Variants in KCNN2 observed in about 807,000 individuals in gnomAD.
KCNN2 encodes small conductance calcium-activated potassium channel protein 2.
A neutral mutation model predicts 55.5 loss-of-function variants in KCNN2; 24 were observed. The observed-to-expected ratio is 0.43, with a 90% CI of 0.31 to 0.61. The LOEUF (loss-of-function observed/expected upper bound fraction) is 0.61, where lower values mean the gene tolerates loss of function less well. Ranked by LOEUF, KCNN2 falls within the 20% of genes least tolerant of loss-of-function variation. The probability of loss-of-function intolerance (pLI) is 0.08; values close to 1 mark genes in which losing one functional copy is unlikely to be tolerated. For missense variants in KCNN2, 754 were observed against 853.6 expected, an observed-to-expected ratio of 0.88 and a Z score of 1.45; for synonymous variants, 431 against 336.1, an observed-to-expected ratio of 1.28 and a Z score of -3.09.
intron 1 of KCNN2, among the ~76,000 whole-genome samples, chr5:114,196,558 C>CT: frequency 6.6e-6 from 1 of 151,894 alleles, no homozygotes; most frequent in Non-Finnish European, 1.5e-5. Flanking sequence ...GAGATTTTCT[C>CT]TTTTTTCTTG....
chr5:114,417,894 G>C (rs888561228), intron 3 of KCNN2, among the ~76,000 whole-genome samples: 12 of 152,154 alleles, frequency 7.9e-5, no homozygotes, highest in African/African-American at 2.9e-4. Flanking sequence ...TAGCCACAGA[G>C]CCCAGAGCCC....
chr5:114,454,779 C>T (rs1438069549), intron 3 of KCNN2, among the ~76,000 whole-genome samples: 1 of 152,182 alleles, frequency 6.6e-6, no homozygotes, highest in Non-Finnish European at 1.5e-5. Context: ...ATTCTGTATA[C>T]TTACAGTTAA....
chr5:114,363,783 T>C, intron 1 of KCNN2, 123 bp from the exon 2 acceptor site: 3 of 682,228 alleles, frequency 4.4e-6, no homozygotes, highest in Non-Finnish European at 7.8e-6. Flanking sequence ...GGTGCACCCC[T>C]CTCCCCTTAT....
At chr5:114,073,745 T>C (rs571657873) in intron 1 of KCNN2, among the ~76,000 whole-genome samples, 1 of 152,370 alleles carries the variant, frequency 6.6e-6, no homozygotes, top group East Asian at 1.9e-4. Context: ...CCTAGTATAG[T>C]GCCTGATCCA....
intron 1 of KCNN2, among the ~76,000 whole-genome samples, chr5:114,102,369 T>C (rs916721756): frequency 1.3e-5 from 2 of 152,168 alleles, no homozygotes; most frequent in Admixed American, 1.3e-4. Context: ...GCAAAAATTT[T>C]CTCCCATTCT....
chr5:114,095,890 C>T (rs1349656917), intron 1 of KCNN2, among the ~76,000 whole-genome samples: 1 of 152,066 alleles, frequency 6.6e-6, no homozygotes, highest in Non-Finnish European at 1.5e-5. Context: ...TCCAGTTGTC[C>T]AGGATATTTA....
At chr5:114,224,779 C>T (rs1376057968) in intron 2 of KCNN2, among the ~76,000 whole-genome samples, 1 of 152,142 alleles carries the variant, frequency 6.6e-6, no homozygotes, top group Non-Finnish European at 1.5e-5. Flanking sequence ...TACAGCTTGC[C>T]ATCAAGATAA....
chr5:114,489,133 C>A (rs1381417253), intron 6 of KCNN2: 2 of 152,050 alleles, frequency 1.3e-5, no homozygotes, highest in East Asian at 3.9e-4. Context: ...GGTTCTGTAG[C>A]CATGTGCAGT....
chr5:114,085,526 T>C (rs1750996785), intron 1 of KCNN2, among the ~76,000 whole-genome samples: 1 of 152,026 alleles, frequency 6.6e-6, no homozygotes, highest in African/African-American at 2.4e-5. Flanking sequence ...TTCACTTTTG[T>C]ATATAACCTT....
At chr5:114,192,472 G>C (rs1580605953) in intron 1 of KCNN2, among the ~76,000 whole-genome samples, 1 of 152,226 alleles carries the variant, frequency 6.6e-6, no homozygotes, top group East Asian at 1.9e-4. Context: ...GAGAGCTTCA[G>C]CTGGCAATGG....
intron 2 of KCNN2, among the ~76,000 whole-genome samples, chr5:114,222,143 T>C (rs1414136562): frequency 6.6e-6 from 1 of 152,182 alleles, no homozygotes; most frequent in Non-Finnish European, 1.5e-5. Flanking sequence ...CAAAGCAGAA[T>C]GCAAAAATAG....
chr5:114,496,007 A>T lies in KCNN2; in HGVS notation c.2201A>T (p.His734Leu). 1 of 1,614,058 alleles carries T rather than the reference A, an allele frequency of 6.2e-7. No homozygotes were observed. Among genetic ancestry groups the T allele is most frequent in the Non-Finnish European group, 8.5e-7 (1 of 1,179,974 alleles). Residue 734 changes from histidine (H) to leucine (L), a missense_variant, in exon 8 of 8, where the codon CAC (histidine) becomes CTC (leucine). By Grantham distance (99) the His-to-Leu change is moderately conservative. Transcript: ENST00000673685. The part of the protein sequence containing the change: ...TKLETLIGSI[H>L]ALPGLISQTI... ...CTAGAGACTTTGATTGGTAGCATCCACGCCCTCCCTGGGCTCATAAGCCAG... is the reference window on the plus strand; with the variant it reads ...CTAGAGACTTTGATTGGTAGCATCCTCGCCCTCCCTGGGCTCATAAGCCAG...
At chr5:114,452,010 A>C (rs963740074) in intron 3 of KCNN2, among the ~76,000 whole-genome samples, 2 of 152,108 alleles carry the variant, frequency 1.3e-5, no homozygotes, top group Non-Finnish European at 2.9e-5. Context: ...TTACTTACTA[A>C]TATTAAAGGA....
At position 114,494,429 on chromosome 5, in the gene KCNN2, CT is replaced by C. The variant is rs553579876; in HGVS notation, c.2088+959del. Among the ~76,000 whole-genome samples the C allele has an allele frequency of 1.5e-4, 22 of 150,266 alleles. No individual in the cohort carries two copies. In the South Asian group the frequency reaches 4.7e-3, roughly 32 times the overall value. On this transcript the variant is annotated intron_variant, in intron 7 of 7. Coordinates refer to ENST00000673685, the MANE Select transcript of KCNN2 (RefSeq NM_021614.4). Reference sequence around the variant, plus strand: ...GTTGAAGACAGTAAGTATTTAATGACTTACCCTAGGAGAGCATATATCATGC... The same window carrying C: ...GTTGAAGACAGTAAGTATTTAATGACTACCCTAGGAGAGCATATATCATGC...
chr5:114,298,602 C>T (rs1344398911), intron 2 of KCNN2, among the ~76,000 whole-genome samples: 1 of 152,104 alleles, frequency 6.6e-6, no homozygotes, highest in Non-Finnish European at 1.5e-5. Flanking sequence ...AATATCATCA[C>T]AAATATTCTA....
chr5:114,100,317 C>T (rs552870148), intron 1 of KCNN2, among the ~76,000 whole-genome samples: 6 of 152,108 alleles, frequency 3.9e-5, no homozygotes, highest in Admixed American at 2.0e-4. Flanking sequence ...TAGCTTTCTT[C>T]CCTTAGTGGA....
intron 2 of KCNN2, among the ~76,000 whole-genome samples, chr5:114,335,955 C>G (rs1397732738): frequency 6.6e-6 from 1 of 152,112 alleles, no homozygotes; most frequent in Non-Finnish European, 1.5e-5. Flanking sequence ...TAGTTGAGCT[C>G]AGGTTTTGAT....
chr5:114,216,200 C>T (rs1434879875), intron 1 of KCNN2, among the ~76,000 whole-genome samples: 1 of 152,022 alleles, frequency 6.6e-6, no homozygotes, highest in African/African-American at 2.4e-5. Flanking sequence ...TTTGGAATTT[C>T]AACAACATGA....
intron 1 of KCNN2, among the ~76,000 whole-genome samples, chr5:114,190,694 G>A (rs989133030): frequency 6.6e-6 from 1 of 152,032 alleles, no homozygotes; most frequent in Non-Finnish European, 1.5e-5. Flanking sequence ...TTTAATGTTT[G>A]TGAATTCTGG....
Sources: gnomAD v4.1 joint callset for allele counts (sites outside exome capture counted in the v4.1 genomes callset) on GRCh38, gnomAD v4.1.1 for gene constraint, MANE v1.5 for transcripts, NCBI Gene and HGNC (gene_info 2026-07-23, HGNC 2026-07-21) for gene names.